Variants in ZFAND4 observed in about 807,000 individuals in gnomAD.
The protein encoded by ZFAND4 is AN1-type zinc finger protein 4.
In ZFAND4, 43 loss-of-function variants were observed where a neutral mutation model predicts 64.4. The observed-to-expected ratio is 0.67, with a 90% confidence interval of 0.52 to 0.86. The LOEUF (loss-of-function observed/expected upper bound fraction) is 0.86, where lower values mean the gene tolerates loss of function less well. Among genes scored for constraint, ZFAND4 ranks in the 40% least tolerant of loss-of-function variants. The pLI, the probability that ZFAND4 is intolerant of heterozygous loss-of-function variation, is 0.00. For synonymous variants in ZFAND4, 296 were observed against 305.7 expected (o/e 0.97, Z 0.33); for missense variants, 929 against 859.8 (o/e 1.08, Z -1.01).
intron 4 of ZFAND4, chr10:45,651,012 T>C (rs1318473657): frequency 1.3e-5 from 2 of 152,226 alleles, no homozygotes. Context: ...AATAATCCTA[T>C]TTTCTAACCA....
chr10:45,643,393 G>A (rs969919675), intron 5 of ZFAND4, among the ~76,000 whole-genome samples: 4 of 151,182 alleles, frequency 2.6e-5, no homozygotes, highest in African/African-American at 4.9e-5. Context: ...ATCCCAGGCC[G>A]GGCACAGTGG....
rs2046799480 is a variant in ZFAND4, at chr10:45,638,837, A to G, written c.717+979T>C. Among the ~76,000 whole-genome samples the G allele has an allele frequency of 2.0e-5, 3 of 152,370 alleles. No individual in the cohort carries two copies. The South Asian group carries it at 6.2e-4, about 32-fold the overall frequency. ...ATCAAACAAATACTTTTAACAAAAG[A>G]AACCAGACCATACTCTCTATGATTC... On this transcript the variant is annotated intron_variant, in intron 6 of 9. Coordinates refer to ENST00000344646, the MANE Select transcript of ZFAND4 (RefSeq NM_174890.4).
intron 6 of ZFAND4, among the ~76,000 whole-genome samples, chr10:45,637,006 A>G (rs76825896): frequency 1.3e-5 from 1 of 79,828 alleles, no homozygotes; most frequent in African/African-American, 4.3e-5. Flanking sequence ...CCCCATCAGA[A>G]AAAAAAAAAA....
chr10:45,656,501 C>CAAAAAAAAAAAAAAAAAAAAAAAAA (rs541781976), intron 2 of ZFAND4, among the ~76,000 whole-genome samples: 35 of 24,676 alleles, frequency 1.4e-3, no homozygotes, highest in Admixed American at 1.8e-3. Flanking sequence ...GAACCTGTCT[C>CAAAAAAAAAAAAAAAAAAAAAAAAA]AAAAAAAAAA....
chr10:45,633,378 C>T (rs983299757), intron 6 of ZFAND4, among the ~76,000 whole-genome samples: 1 of 152,004 alleles, frequency 6.6e-6, no homozygotes, highest in Non-Finnish European at 1.5e-5. Context: ...ACAATATTCT[C>T]TGAGTTCCAT....
Position 45,621,456 on chromosome 10 carries a change from G to C in ZFAND4, c.1927+3127C>G, listed in dbSNP as rs538785340. On this transcript the variant is annotated intron_variant, in intron 8 of 9. Transcript: ENST00000344646. ...AAAAAAAGGACAGAAGAAAACTGAG[G>C]TTAAGGCCAGGCGCAGTGGCTCACA... Among the ~76,000 whole-genome samples the C allele has an allele frequency of 2.6e-5, 4 of 151,680 alleles. No individual in the cohort carries two copies. In the East Asian group the frequency reaches 7.8e-4, roughly 29 times the overall value.
intron 5 of ZFAND4, among the ~76,000 whole-genome samples, chr10:45,641,016 A>C (rs2046962739): frequency 6.6e-6 from 1 of 152,194 alleles, no homozygotes; most frequent in Admixed American, 6.5e-5. Context: ...GTATAATATA[A>C]TGATGTATCA....
At chr10:45,670,873 A>T (rs868670844) in intron 1 of ZFAND4, among the ~76,000 whole-genome samples, 5 of 152,254 alleles carry the variant, frequency 3.3e-5, no homozygotes, top group African/African-American at 1.2e-4. Context: ...CAGCAAAAGA[A>T]ACTACCATCA....
At position 45,656,163 on chromosome 10, in the gene ZFAND4, G is replaced by A. The variant is rs370497732; in HGVS notation, c.185-3104C>T. On this transcript the variant is annotated intron_variant, in intron 2 of 9. Transcript: ENST00000344646. Reference sequence around the variant, plus strand: ...GGAGAATGGCTTGAACCCGGGAGGCGGAGGTTGCAGTGAGCTGAGATCGCA... The same window carrying A: ...GGAGAATGGCTTGAACCCGGGAGGCAGAGGTTGCAGTGAGCTGAGATCGCA... Among the ~76,000 whole-genome samples, 231 of 152,226 alleles carry A rather than the reference G, an allele frequency of 1.5e-3. 1 individual carries two copies. The highest frequency in any genetic ancestry group is 4.1e-3 in the African/African-American group (172 of 41,542).
chr10:45,620,577 G>A (rs1291623360), intron 8 of ZFAND4, among the ~76,000 whole-genome samples: 1 of 152,164 alleles, frequency 6.6e-6, no homozygotes, highest in Non-Finnish European at 1.5e-5. Context: ...TACTCTATGA[G>A]AGCAGCCTCC....
At chr10:45,653,106 T>A in intron 2 of ZFAND4, 47 bp from the exon 3 acceptor site, 1 of 1,343,830 alleles carries the variant, frequency 7.4e-7, no homozygotes, top group Non-Finnish European at 1.1e-6. Context: ...TTCAATAGCA[T>A]CTCCAAAAGA....
chr10:45,657,102 G>T (rs1277932780), intron 2 of ZFAND4, among the ~76,000 whole-genome samples: 1 of 148,764 alleles, frequency 6.7e-6, no homozygotes, highest in African/African-American at 2.5e-5. Flanking sequence ...CAATCTCCAT[G>T]TCCTGAGCTC....
intron 2 of ZFAND4, chr10:45,662,817 T>C (rs1434843190): frequency 5.2e-6 from 1 of 193,532 alleles, no homozygotes; most frequent in Non-Finnish European, 9.5e-6. Context: ...TACCTTTATA[T>C]TACAAGCAAG....
At chr10:45,659,829 G>A (rs2048348608) in intron 2 of ZFAND4, among the ~76,000 whole-genome samples, 1 of 152,128 alleles carries the variant, frequency 6.6e-6, no homozygotes, top group Non-Finnish European at 1.5e-5. Context: ...AATAAAGAAT[G>A]CCTTTGATTG....
chr10:45,659,229 G>C (rs1436103168), intron 2 of ZFAND4, among the ~76,000 whole-genome samples: 4 of 152,172 alleles, frequency 2.6e-5, no homozygotes, highest in African/African-American at 4.8e-5. Context: ...TCCCAGCCTA[G>C]AGGCACAGGC....
chr10:45,667,307 T>C (rs887871066), intron 1 of ZFAND4, among the ~76,000 whole-genome samples: 2 of 152,296 alleles, frequency 1.3e-5, no homozygotes, highest in Admixed American at 1.3e-4. Flanking sequence ...ATCTTGATCC[T>C]GTACACTGCA....
intron 2 of ZFAND4, chr10:45,662,591 G>C (rs1041494269): frequency 4.1e-6 from 4 of 985,236 alleles, no homozygotes; most frequent in Non-Finnish European, 4.8e-6. Context: ...AAATCATTTA[G>C]GGCAGACAAA....
In ZFAND4 at chr10:45,623,414, G is replaced by A. The variant is rs77014464; in HGVS notation, c.1927+1169C>T. Among the ~76,000 whole-genome samples, 1,049 of 152,278 alleles carry A rather than the reference G, an allele frequency of 6.9e-3. 7 individuals are homozygous for A. Among genetic ancestry groups the A allele is most frequent in the Middle Eastern group, 0.017 (5 of 294 alleles). ...TGGATAAGCAAAATATGGTGTGTGT[G>A]TATGTGTATATTGTGTGTGTGTGTA... On this transcript the variant is annotated intron_variant, in intron 8 of 9. Transcript: ENST00000344646.
chr10:45,624,699 A>G (rs947308156), intron 7 of ZFAND4, 62 bp from the exon 8 acceptor site: 2 of 1,330,176 alleles, frequency 1.5e-6, no homozygotes, highest in East Asian at 2.3e-5. Flanking sequence ...ATGATCAACA[A>G]ACATGAAATA....
Sources: gnomAD v4.1 joint callset for allele counts (sites outside exome capture counted in the v4.1 genomes callset) on GRCh38, gnomAD v4.1.1 for gene constraint, MANE v1.5 for transcripts, NCBI Gene and HGNC (gene_info 2026-07-23, HGNC 2026-07-21) for gene names.